The following GPSM1 variants were observed in gnomAD, a reference collection of about 807,000 sequenced individuals.
GPSM1 encodes the protein G protein-signaling modulator 1.
A neutral mutation model predicts 70.5 loss-of-function variants in GPSM1; 48 were observed. The ratio of observed to expected loss-of-function variants is 0.68; its 90% CI spans 0.54 to 0.87. The LOEUF is 0.87. Among genes scored for constraint, GPSM1 ranks in the 40% least tolerant of loss-of-function variants. The pLI, the probability that GPSM1 is intolerant of heterozygous loss-of-function variation, is 0.00. For missense variants in GPSM1, 981 were observed against 972.6 expected (o/e 1.01, Z -0.11); for synonymous variants, 416 against 430.1 (o/e 0.97, Z 0.41).
chr9:136,337,168 C>A, intron 4 of GPSM1, 96 bp downstream of exon 4: 1 of 1,184,684 alleles, frequency 8.4e-7, no homozygotes, highest in East Asian at 2.6e-5. Context: ...CCCCATACCT[C>A]CCGACAGCTC....
chr9:136,340,070 T>C lies in GPSM1; in HGVS notation c.1083+255T>C, dbSNP rs184030216. Among the ~76,000 whole-genome samples, 224 of 152,358 alleles carry C rather than the reference T, an allele frequency of 1.5e-3. No homozygotes were observed. The highest frequency in any genetic ancestry group is 5.3e-3 in the African/African-American group (220 of 41,598). On this transcript the variant is annotated intron_variant, in intron 8 of 13. Coordinates refer to ENST00000440944, the MANE Select transcript of GPSM1 (RefSeq NM_001145638.3). The surrounding 1 kb of genome is among the most constrained non-coding windows in gnomAD (Gnocchi z 7.3). ...CCTTGGAGAGTTTGCACAGGGTCTC[T>C]GTGGGCTCCGCCCATCAGCGCCCTC... is the stretch of plus-strand genomic sequence containing the variant.
intron 5 of GPSM1, 29 bp downstream of exon 5, chr9:136,337,593 G>A (rs782056736): frequency 6.5e-7 from 1 of 1,546,794 alleles, no homozygotes; most frequent in Non-Finnish European, 8.7e-7. Flanking sequence ...CAGGGTGGAG[G>A]GGCCGGGCTG....
Position 136,341,263 on chromosome 9 carries a change from G to C in GPSM1, c.1207+270G>C. The C allele has an allele frequency of 1.3e-6, 2 of 1,484,778 alleles. No homozygotes were observed. The highest frequency in any genetic ancestry group is 2.7e-5 in the South Asian group (2 of 74,178). 92.0% of individuals were successfully genotyped at this position (1,484,778 alleles called of 1,614,324 possible). A position where few individuals can be genotyped will look rare whatever the true frequency, so the allele number is the denominator to read the frequency against. On this transcript the variant is annotated intron_variant, in intron 9 of 13. Transcript: ENST00000440944. The surrounding 1 kb of genome is among the most constrained non-coding windows in gnomAD (Gnocchi z 6.7). ...CTGTTGCCCCACTGGCTGCTCCAGG[G>C]CCTCCACCCCCACCTCCCCCTGGAG...
At chr9:136,355,514 CGGGTGCCG>C (rs1832789139) in intron 11 of GPSM1, 168 bp from the exon 12 acceptor site, 4 of 459,972 alleles carry the variant, frequency 8.7e-6, no homozygotes, top group Middle Eastern at 5.4e-4. Flanking sequence ...GAGGGGTAGC[CGGGTGCCG>C]AGGGTGGGTG....
rs1432325789 is a variant in GPSM1 at position 136,340,530 on chromosome 9, C to T, written c.1084-340C>T. 4.6e-5 allele frequency among the ~76,000 whole-genome samples: 7 copies of T among 152,056 alleles called. No individual in the cohort carries two copies. Among genetic ancestry groups the T allele is most frequent in the South Asian group, 2.1e-4 (1 of 4,826 alleles). Reference sequence around the variant, plus strand: ...CCCGGGAGGGTCCCCCACAGAGCCTCGGCGCACAAGGCAGGGGCTGAGAGA... The same window carrying T: ...CCCGGGAGGGTCCCCCACAGAGCCTTGGCGCACAAGGCAGGGGCTGAGAGA... On this transcript the variant is annotated intron_variant, in intron 8 of 13. Coordinates refer to ENST00000440944, the MANE Select transcript of GPSM1 (RefSeq NM_001145638.3). The surrounding 1 kb of genome is among the most constrained non-coding windows in gnomAD (Gnocchi z 7.3).
chr9:136,329,308 G>A (rs1301906611), intron 1 of GPSM1, among the ~76,000 whole-genome samples: 2 of 152,224 alleles, frequency 1.3e-5, no homozygotes, highest in Non-Finnish European at 2.9e-5. Flanking sequence ...CCGGGAGTCT[G>A]CACCCCACCG....
chr9:136,344,414 G>A (rs1393613284), intron 9 of GPSM1, among the ~76,000 whole-genome samples: 2 of 152,232 alleles, frequency 1.3e-5, no homozygotes, highest in East Asian at 1.9e-4. Context: ...CCAGGGTTTG[G>A]GTGCTGTGTG....
At chr9:136,339,581 G>T (rs1327246101) in intron 7 of GPSM1, 126 bp from the exon 8 acceptor site, 3 of 654,854 alleles carry the variant, frequency 4.6e-6, no homozygotes, top group Non-Finnish European at 8.2e-6. Context: ...ATGCCCCTTG[G>T]GCCTGGGGGC....
intron 11 of GPSM1, among the ~76,000 whole-genome samples, chr9:136,354,051 CG>C (rs1832744751): frequency 1.3e-5 from 2 of 152,188 alleles, no homozygotes; most frequent in South Asian, 4.2e-4. Context: ...GAGAGCCCTG[CG>C]GGGAGAAGGG....
At chr9:136,331,783 C>T (rs1023135836) in intron 1 of GPSM1, among the ~76,000 whole-genome samples, 11 of 151,768 alleles carry the variant, frequency 7.2e-5, no homozygotes, top group Non-Finnish European at 1.3e-4. Flanking sequence ...CCGCTGCTGA[C>T]GAGGCTGACC....
chr9:136,349,621 G>A lies in GPSM1; in HGVS notation c.1313G>A (p.Trp438Ter). ...GGAGACAGCCACCATTCAGGGGACT[G>A]GCGGGGGCCCAGCAGGGACTCGCTA... Reference protein sequence around the residue: ...QNGDSHHSGDWRGPSRDSLPL... With the variant: ...QNGDSHHSGD Residue 438 changes from tryptophan to a stop codon, truncating the protein, a stop_gained, in exon 11 of 14, where the codon TGG becomes TAG. Transcript: ENST00000440944. LOFTEE classifies it high-confidence loss of function. The A allele has an allele frequency of 6.5e-7, 1 of 1,549,724 alleles. No homozygotes were observed. Among genetic ancestry groups the A allele is most frequent in the Non-Finnish European group, 8.7e-7 (1 of 1,146,488 alleles).
intron 9 of GPSM1, 86 bp from the exon 10 acceptor site, chr9:136,348,611 C>T (rs1167910222): frequency 7.8e-6 from 8 of 1,020,342 alleles, no homozygotes; most frequent in Non-Finnish European, 1.0e-5. Flanking sequence ...CCGGGCTGGT[C>T]CTTGGCCCCC....
In GPSM1 at chr9:136,337,507, G is replaced by A. The variant is rs1177050851; in HGVS notation, c.645G>A (p.Leu215=). Residue 215 remains leucine, a synonymous_variant, in exon 5 of 14, where the codon CTG becomes CTA. Transcript: ENST00000440944. ...RAAQGRAYGN[L]GNTHYLLGNF... ...CGCAGGGCAGGGCCTACGGCAACCT[G>A]GGCAACACCCACTATTTGTTGGGGA... The A allele has an allele frequency of 3.2e-6, 5 of 1,562,290 alleles. No homozygotes were observed. The highest frequency in any genetic ancestry group is 4.3e-6 in the Non-Finnish European group (5 of 1,153,212).
intron 9 of GPSM1, among the ~76,000 whole-genome samples, chr9:136,347,858 C>T (rs1056752771): frequency 4.6e-5 from 7 of 152,236 alleles, no homozygotes; most frequent in African/African-American, 9.6e-5. Flanking sequence ...CAAATCCTTT[C>T]GGGCCCCGCA....
intron 9 of GPSM1, among the ~76,000 whole-genome samples, chr9:136,345,907 G>A (rs28683734): frequency 0.013 from 2,019 of 152,286 alleles, 46 homozygotes; most frequent in African/African-American, 0.046. Flanking sequence ...CCCCAGCCCC[G>A]TTCTGTCCCT....
chr9:136,353,115 A>G lies in GPSM1; in HGVS notation c.1456-2575A>G, dbSNP rs1286744762. ...CTGCGCTCTGTGTGGCCAAGCACCC[A>G]GCGTGGCTCCCTGCTGCTGTGGAGA... On this transcript the variant is annotated intron_variant, in intron 11 of 13. Coordinates refer to ENST00000440944, the MANE Select transcript of GPSM1 (RefSeq NM_001145638.3). 8 of 985,240 alleles carry G rather than the reference A, an allele frequency of 8.1e-6. No homozygotes were observed. In the African/African-American group the frequency reaches 1.0e-4, roughly 13 times the overall value. 61.0% of individuals were successfully genotyped at this position (985,240 alleles called of 1,614,324 possible).
intron 12 of GPSM1, 95 bp from the exon 13 acceptor site, chr9:136,356,247 C>A: frequency 1.0e-6 from 1 of 968,390 alleles, no homozygotes; most frequent in Non-Finnish European, 1.5e-6. Context: ...GTGGGCTGGG[C>A]TGGGCTCAGA....
chr9:136,336,710 A>AG (rs1232545754), intron 3 of GPSM1, among the ~76,000 whole-genome samples: 3 of 152,120 alleles, frequency 2.0e-5, no homozygotes, highest in Admixed American at 6.5e-5. Flanking sequence ...CAATCCGCAG[A>AG]GGAGGGAGGG....
chr9:136,346,235 C>T (rs1554771237), intron 9 of GPSM1, among the ~76,000 whole-genome samples: 1 of 152,220 alleles, frequency 6.6e-6, no homozygotes, highest in Non-Finnish European at 1.5e-5. Flanking sequence ...CCACACTCAG[C>T]CAGTTCCCGG....
Sources: gnomAD v4.1 joint callset for allele counts (sites outside exome capture counted in the v4.1 genomes callset) on GRCh38, gnomAD v4.1.1 for gene constraint, Gnocchi (gnomAD v3.1) non-coding constraint, MANE v1.5 for transcripts, NCBI Gene and HGNC (gene_info 2026-07-23, HGNC 2026-07-21) for gene names.